Variants in NCKAP5 observed in about 807,000 individuals in gnomAD.
NCKAP5 encodes NCK associated protein 5, also known as nck-associated protein 5.
NCKAP5 carries 92 observed loss-of-function variants against 167.0 expected under a neutral mutation model. That is an observed-to-expected ratio of 0.55 (90% CI 0.47 to 0.66). The LOEUF (loss-of-function observed/expected upper bound fraction) is 0.66. NCKAP5 is among the 30% of genes least tolerant of loss of function. The probability of loss-of-function intolerance (pLI) is 0.00; values close to 1 mark genes in which losing one functional copy is unlikely to be tolerated. For missense variants in NCKAP5, 2,378 were observed against 2,315.0 expected (o/e 1.03, Z -0.56); for synonymous variants, 891 against 877.4 (o/e 1.02, Z -0.27).
rs62179294 is a variant in NCKAP5, at chr2:133,550,501, G to T, written c.-62+8549C>A. Among the ~76,000 whole-genome samples the T allele has an allele frequency of 5.8e-4, 86 of 149,462 alleles. 1 individual carries two copies. The highest frequency in any genetic ancestry group is 1.6e-3 in the African/African-American group (67 of 40,674). On this transcript the variant is annotated intron_variant, in intron 2 of 19. Coordinates refer to ENST00000409261, the MANE Select transcript of NCKAP5 (RefSeq NM_207363.3). ...AACAGAGCCAAAGACAAAAACCACA[G>T]GATTATCTCAATAGATGCAGAAAAA... is the stretch of plus-strand genomic sequence containing the variant.
At chr2:133,423,599 T>A (rs1460461800) in intron 3 of NCKAP5, among the ~76,000 whole-genome samples, 1 of 152,220 alleles carries the variant, frequency 6.6e-6, no homozygotes, top group African/African-American at 2.4e-5. Flanking sequence ...AGAATGGATG[T>A]TTGACATTTA....
chr2:133,078,793 C>T (rs1328805331), intron 6 of NCKAP5, among the ~76,000 whole-genome samples: 1 of 152,080 alleles, frequency 6.6e-6, no homozygotes, highest in African/African-American at 2.4e-5. Context: ...CTATGAAGCA[C>T]TATAGGATGT....
At chr2:132,833,875 G>A (rs1687696075) in intron 11 of NCKAP5, among the ~76,000 whole-genome samples, 1 of 152,084 alleles carries the variant, frequency 6.6e-6, no homozygotes, top group African/African-American at 2.4e-5. Flanking sequence ...TGTTAGGAAT[G>A]TTTCTCTAAT....
chr2:133,377,681 C>T (rs1686241179), intron 3 of NCKAP5, among the ~76,000 whole-genome samples: 1 of 152,196 alleles, frequency 6.6e-6, no homozygotes, highest in Admixed American at 6.5e-5. Flanking sequence ...GGAAATAATG[C>T]AGAGACCACC....
At chr2:133,432,715 A>G (rs1052551402) in intron 3 of NCKAP5, among the ~76,000 whole-genome samples, 4 of 152,214 alleles carry the variant, frequency 2.6e-5, no homozygotes, top group Non-Finnish European at 4.4e-5. Context: ...GATTTTGCTC[A>G]TCAATATAGT....
At chr2:133,073,387 T>A (rs1039290795) in intron 6 of NCKAP5, among the ~76,000 whole-genome samples, 4 of 152,256 alleles carry the variant, frequency 2.6e-5, no homozygotes, top group Admixed American at 6.5e-5. Flanking sequence ...ACCCCTAAGG[T>A]ACACATGTTT....
rs1042885331 is a variant in NCKAP5 at position 133,318,249 on chromosome 2, C to T, written c.70-15139G>A. On this transcript the variant is annotated intron_variant, in intron 3 of 19. Coordinates refer to ENST00000409261, the MANE Select transcript of NCKAP5 (RefSeq NM_207363.3). ...GAAAGGATTTATGAAGTAGTAGATA[C>T]CCATCCCTGCCCCACCCAAAATAAA... is the stretch of plus-strand genomic sequence containing the variant. Among the ~76,000 whole-genome samples the T allele has an allele frequency of 2.0e-4, 31 of 152,230 alleles. 1 individual carries two copies. The highest frequency in any genetic ancestry group is 7.5e-4 in the African/African-American group (31 of 41,526).
At chr2:133,560,440 GT>G (rs1466769883) in intron 1 of NCKAP5, among the ~76,000 whole-genome samples, 1 of 152,116 alleles carries the variant, frequency 6.6e-6, no homozygotes, top group African/African-American at 2.4e-5. Context: ...CGGGTGATAA[GT>G]GCTATGAAAA....
chr2:132,782,892 C>T lies in NCKAP5; in HGVS notation c.3919G>A (p.Glu1307Lys), dbSNP rs778925689. The change falls in exon 14 of 20, where the codon GAG becomes AAG. Residue 1307 changes from glutamate (E) to lysine (K), a missense_variant. Transcript: ENST00000409261. Reference sequence around the variant, plus strand: ...TGCCGGGTAAGAGAATTGCCTCTCTCGGCGGTATTGGTAATGATCTGAGTG... The same window carrying T: ...TGCCGGGTAAGAGAATTGCCTCTCTTGGCGGTATTGGTAATGATCTGAGTG... ...VRTQIITNTA[E>K]RGNSLTRQNS... 45 of 1,613,764 alleles carry T rather than the reference C, an allele frequency of 2.8e-5. No homozygotes were observed. Among genetic ancestry groups the T allele is most frequent in the Admixed American group, 1.3e-4 (8 of 60,002 alleles).
intron 15 of NCKAP5, 110 bp downstream of exon 15, chr2:132,780,942 C>T (rs1008505118): frequency 1.8e-6 from 2 of 1,091,210 alleles, no homozygotes; most frequent in African/African-American, 1.6e-5. Flanking sequence ...CCTTTTCTTT[C>T]CCCCAGTTGC....
At chr2:133,380,400 G>T (rs1031220885) in intron 3 of NCKAP5, among the ~76,000 whole-genome samples, 3 of 151,924 alleles carry the variant, frequency 2.0e-5, no homozygotes, top group Non-Finnish European at 4.4e-5. Context: ...GGTATATATT[G>T]AGTGTTTTAG....
chr2:133,472,159 C>T (rs1575019478), intron 3 of NCKAP5, among the ~76,000 whole-genome samples: 2 of 152,064 alleles, frequency 1.3e-5, no homozygotes, highest in African/African-American at 4.8e-5. Context: ...ACCAGATTCT[C>T]CTTGAGCCTT....
At chr2:132,889,662 A>T (rs1325802128) in intron 8 of NCKAP5, among the ~76,000 whole-genome samples, 1 of 152,232 alleles carries the variant, frequency 6.6e-6, no homozygotes, top group Admixed American at 6.5e-5. Flanking sequence ...AAATAAAAAT[A>T]ACACAGTTTT....
chr2:132,713,100 G>A (rs1254882226), intron 19 of NCKAP5, among the ~76,000 whole-genome samples: 7 of 113,252 alleles, frequency 6.2e-5, no homozygotes, highest in African/African-American at 1.8e-4. Flanking sequence ...TCCCTTTTGC[G>A]TAAGAAATGT....
At chr2:132,699,388 GTTA>G (rs1325868422) in intron 19 of NCKAP5, among the ~76,000 whole-genome samples, 1 of 152,034 alleles carries the variant, frequency 6.6e-6, no homozygotes, top group Non-Finnish European at 1.5e-5. Context: ...GTGCAGGTTT[GTTA>G]CACATGTATA....
the NCKAP5 span, among the ~76,000 whole-genome samples, chr2:133,606,760 A>G: frequency 3.3e-5 from 5 of 150,964 alleles, no homozygotes; most frequent in African/African-American, 1.2e-4. Context: ...AAAAAAAAAA[A>G]AAGGTTTTAG....
chr2:133,642,434 C>A, the NCKAP5 span, among the ~76,000 whole-genome samples: 1 of 152,110 alleles, frequency 6.6e-6, no homozygotes, highest in African/African-American at 2.4e-5. Flanking sequence ...ATATAGAAAG[C>A]CTTGTCTTCA....
chr2:133,447,624 C>T (rs1325676562), intron 3 of NCKAP5, among the ~76,000 whole-genome samples: 1 of 143,368 alleles, frequency 7.0e-6, no homozygotes, highest in African/African-American at 2.6e-5. Context: ...CCCTTCCTTT[C>T]CCCTTCCCCT....
chr2:133,638,778 G>A, the NCKAP5 span, among the ~76,000 whole-genome samples: 2 of 150,360 alleles, frequency 1.3e-5, no homozygotes, highest in African/African-American at 4.9e-5. Flanking sequence ...AGAATTGCTT[G>A]AACCCAGGGG....
Sources: allele counts gnomAD v4.1 joint callset (sites outside exome capture counted in the v4.1 genomes callset), GRCh38; gene constraint gnomAD v4.1.1; transcripts MANE v1.5; gene names NCBI Gene and HGNC (gene_info 2026-07-23, HGNC 2026-07-21).